The following FRMD4A variants were observed in gnomAD, a reference collection of about 807,000 sequenced individuals.
FRMD4A encodes the protein FERM domain-containing protein 4A.
In FRMD4A, 29 loss-of-function variants were observed where a neutral mutation model predicts 129.1. The observed-to-expected ratio is 0.22, with a 90% CI of 0.17 to 0.31. The LOEUF is 0.31. FRMD4A is among the 10% of genes least tolerant of loss of function. FRMD4A has a pLI of 1.00. For missense variants in FRMD4A, 1,272 were observed against 1,375.8 expected, an observed-to-expected ratio of 0.92 and a Z score of 1.19; for synonymous variants, 634 against 571.6, an observed-to-expected ratio of 1.11 and a Z score of -1.56.
At chr10:14,198,760 C>A (rs940573464) in intron 2 of FRMD4A, among the ~76,000 whole-genome samples, 3 of 152,198 alleles carry the variant, frequency 2.0e-5, no homozygotes, top group Non-Finnish European at 4.4e-5. Flanking sequence ...AGCTTTCCTA[C>A]AAAACTCCAG....
chr10:14,273,737 A>G (rs867797524), intron 2 of FRMD4A, among the ~76,000 whole-genome samples: 1 of 152,148 alleles, frequency 6.6e-6, no homozygotes, highest in Non-Finnish European at 1.5e-5. Context: ...CTTGTTTGCA[A>G]TGGGGCTCCA....
At chr10:14,212,120 G>T (rs1842949237) in intron 2 of FRMD4A, among the ~76,000 whole-genome samples, 1 of 152,094 alleles carries the variant, frequency 6.6e-6, no homozygotes, top group Non-Finnish European at 1.5e-5. Flanking sequence ...TTCTCCCAGG[G>T]AGAGGAGGTG....
At position 13,693,862 on chromosome 10, in the gene FRMD4A, G is replaced by A. The variant is rs773510981; in HGVS notation, c.1117+36C>T. The A allele has an allele frequency of 2.5e-6, 4 of 1,605,660 alleles. No homozygotes were observed. In the East Asian group the frequency reaches 8.9e-5, roughly 36 times the overall value. On this transcript the variant is annotated intron_variant, in intron 15 of 24. Coordinates refer to ENST00000357447, the MANE Select transcript of FRMD4A (RefSeq NM_018027.5). ...GGGTCCCCTCTGGGGTCCCAGCCAT[G>A]CTCAGGGGGCGTCCCTCCAGCTGGC... is the stretch of plus-strand genomic sequence containing the variant.
At chr10:13,981,738 CAAAAAAAAAA>C (rs55829400) in intron 2 of FRMD4A, among the ~76,000 whole-genome samples, 4 of 97,676 alleles carry the variant, frequency 4.1e-5, no homozygotes, top group Non-Finnish European at 5.2e-5. Flanking sequence ...GACTCCGTGT[CAAAAAAAAAA>C]AAAAAAAAAA....
intron 2 of FRMD4A, among the ~76,000 whole-genome samples, chr10:13,928,491 C>A (rs1320659995): frequency 1.3e-5 from 2 of 152,068 alleles, no homozygotes; most frequent in African/African-American, 4.8e-5. Context: ...GGCAAATGAT[C>A]TACATGCACA....
intron 2 of FRMD4A, among the ~76,000 whole-genome samples, chr10:14,233,335 C>T (rs767520938): frequency 6.6e-5 from 10 of 152,230 alleles, no homozygotes; most frequent in African/African-American, 2.2e-4. Flanking sequence ...TTTGGGAGGC[C>T]GAGGAGGGCA....
intron 9 of FRMD4A, chr10:13,744,531 C>T (rs772108394): frequency 6.6e-6 from 1 of 152,168 alleles, no homozygotes; most frequent in Non-Finnish European, 1.5e-5. Flanking sequence ...TGTATGTCAT[C>T]CCATTTTGCA....
intron 2 of FRMD4A, among the ~76,000 whole-genome samples, chr10:13,939,076 T>C (rs868679611): frequency 4.6e-5 from 7 of 152,116 alleles, no homozygotes; most frequent in East Asian, 1.9e-4. Flanking sequence ...AGTACCAAGA[T>C]TGAGAAACCC....
At chr10:13,722,207 C>T (rs1588424872) in intron 12 of FRMD4A, among the ~76,000 whole-genome samples, 1 of 150,138 alleles carries the variant, frequency 6.7e-6, no homozygotes, top group Admixed American at 6.6e-5. Flanking sequence ...GTTGCATGAA[C>T]TATTCCACTG....
At chr10:13,909,807 G>C (rs1255747424) in intron 2 of FRMD4A, among the ~76,000 whole-genome samples, 1 of 152,226 alleles carries the variant, frequency 6.6e-6, no homozygotes, top group Admixed American at 6.5e-5. Flanking sequence ...AACGCAAGTG[G>C]TGGAGAGTTC....
chr10:14,292,325 T>C (rs1033552340), intron 2 of FRMD4A, among the ~76,000 whole-genome samples: 1 of 152,166 alleles, frequency 6.6e-6, no homozygotes, highest in Admixed American at 6.5e-5. Context: ...AACAGAATGC[T>C]CAGAAATAAG....
chr10:14,088,785 C>CAGA (rs1312250993), intron 2 of FRMD4A, among the ~76,000 whole-genome samples: 4 of 73,844 alleles, frequency 5.4e-5, no homozygotes, highest in African/African-American at 2.3e-4. Flanking sequence ...GACTCTGTCT[C>CAGA]AAAAAAAAAA....
intron 2 of FRMD4A, among the ~76,000 whole-genome samples, chr10:13,962,415 A>G (rs1286860712): frequency 6.6e-6 from 1 of 152,264 alleles, no homozygotes. Flanking sequence ...ATGCATATAT[A>G]TGGTTTTTTT....
rs1423644671 is a variant in FRMD4A, at chr10:14,024,189, G to T, written c.46-165277C>A. Reference sequence around the variant, plus strand: ...CCACTCAGGCACTGAGGAACTTTACGGTTTTCTCCCCTGACCGCACATGAG... The same window carrying T: ...CCACTCAGGCACTGAGGAACTTTACTGTTTTCTCCCCTGACCGCACATGAG... On this transcript the variant is annotated intron_variant, in intron 2 of 24. Coordinates refer to ENST00000357447, the MANE Select transcript of FRMD4A (RefSeq NM_018027.5). Among the ~76,000 whole-genome samples, 3 of 152,158 alleles carry T rather than the reference G, an allele frequency of 2.0e-5. No homozygotes were observed. In the East Asian group the frequency reaches 5.8e-4, roughly 29 times the overall value.
At chr10:14,023,207 C>T (rs1832839218) in intron 2 of FRMD4A, among the ~76,000 whole-genome samples, 2 of 152,182 alleles carry the variant, frequency 1.3e-5, no homozygotes, top group Admixed American at 6.5e-5. Context: ...GCATAACTTC[C>T]AACACGAAGG....
chr10:14,157,095 A>G (rs968844197), intron 2 of FRMD4A, among the ~76,000 whole-genome samples: 3 of 152,212 alleles, frequency 2.0e-5, no homozygotes, highest in Non-Finnish European at 4.4e-5. Flanking sequence ...AAGCTGCAGC[A>G]AAAGTCTAGC....
At chr10:14,202,063 G>A (rs554719229) in intron 2 of FRMD4A, among the ~76,000 whole-genome samples, 6 of 152,186 alleles carry the variant, frequency 3.9e-5, no homozygotes, top group Admixed American at 1.3e-4. Context: ...GCTTGAACCC[G>A]GGAGGGGGAG....
At chr10:14,277,380 A>G (rs1218363) in intron 2 of FRMD4A, among the ~76,000 whole-genome samples, 15,441 of 152,230 alleles carry the variant, frequency 0.1, 1,925 homozygotes, top group African/African-American at 0.3. Flanking sequence ...TTATGAGGGT[A>G]GAACTATTAT....
chr10:13,779,442 G>T (rs1453595164), intron 6 of FRMD4A, among the ~76,000 whole-genome samples: 1 of 152,148 alleles, frequency 6.6e-6, no homozygotes, highest in African/African-American at 2.4e-5. Context: ...TCTCTGGTTT[G>T]TCCATCTGGA....
Sources: allele counts gnomAD v4.1 joint callset (sites outside exome capture counted in the v4.1 genomes callset), GRCh38; gene constraint gnomAD v4.1.1; transcripts MANE v1.5; gene names NCBI Gene and HGNC (gene_info 2026-07-23, HGNC 2026-07-21).